ST18: variants seen among roughly 807,000 people sequenced by gnomAD.
ST18 encodes ST18 C2H2C-type zinc finger transcription factor.
In ST18, 50 loss-of-function variants were observed where a neutral mutation model predicts 110.0. The ratio of observed to expected loss-of-function variants is 0.45; its 90% CI spans 0.36 to 0.58. The LOEUF is 0.58. Among genes scored for constraint, ST18 ranks in the 20% least tolerant of loss-of-function variants. The probability of loss-of-function intolerance (pLI) is 0.00; values close to 1 mark genes in which losing one functional copy is unlikely to be tolerated. For missense variants in ST18, 1,306 were observed against 1,280.1 expected, an observed-to-expected ratio of 1.02 and a Z score of -0.31; for synonymous variants, 461 against 452.4, an observed-to-expected ratio of 1.02 and a Z score of -0.24.
intron 13 of ST18, among the ~76,000 whole-genome samples, chr8:52,162,943 G>A (rs1050817244): frequency 2.6e-5 from 4 of 152,116 alleles, no homozygotes; most frequent in African/African-American, 9.7e-5. Flanking sequence ...TGAGCAACTA[G>A]TTGATCTTAT....
chr8:52,196,185 C>G (rs2076133751), intron 8 of ST18, among the ~76,000 whole-genome samples: 1 of 152,182 alleles, frequency 6.6e-6, no homozygotes, highest in Non-Finnish European at 1.5e-5. Flanking sequence ...TTGTCTCTCC[C>G]CTTCTTTTCT....
intron 25 of ST18, 63 bp from the exon 26 acceptor site, chr8:52,113,401 C>T: frequency 6.3e-7 from 1 of 1,579,896 alleles, no homozygotes; most frequent in Non-Finnish European, 8.6e-7. Context: ...AAAGAAGGAC[C>T]CAGTGACATC....
intron 18 of ST18, 149 bp downstream of exon 18, chr8:52,137,272 A>T: frequency 1.3e-6 from 1 of 773,852 alleles, no homozygotes; most frequent in Non-Finnish European, 2.0e-6. Flanking sequence ...TTTATATCAC[A>T]TAATTTTATT....
intron 15 of ST18, chr8:52,154,999 C>T (rs58143223): frequency 0.22 from 32,788 of 151,828 alleles, 3,782 homozygotes; most frequent in African/African-American, 0.29. Context: ...GTCAGGAGAT[C>T]GAGACCAGCC....
intron 8 of ST18, among the ~76,000 whole-genome samples, chr8:52,183,688 G>A (rs2070818711): frequency 6.6e-6 from 1 of 152,152 alleles, no homozygotes; most frequent in Non-Finnish European, 1.5e-5. Flanking sequence ...AGGTAAAGAT[G>A]GAACTGTCTT....
chr8:52,256,506 G>C (rs996823730), intron 2 of ST18, among the ~76,000 whole-genome samples: 6 of 152,164 alleles, frequency 3.9e-5, no homozygotes, highest in Non-Finnish European at 8.8e-5. Context: ...GGGATTACAG[G>C]TGTGAGTCAG....
intron 23 of ST18, among the ~76,000 whole-genome samples, chr8:52,120,441 CA>C (rs2044247522): frequency 6.6e-6 from 1 of 152,248 alleles, no homozygotes; most frequent in African/African-American, 2.4e-5. Context: ...CTGAAGGAAG[CA>C]CAAAGGGTTC....
rs762481226 is a variant in ST18 at position 52,171,812 on chromosome 8, C to T, written c.1049G>A (p.Arg350Lys). 6.2e-7 allele frequency: 1 copy of T among 1,613,286 alleles called. No individual in the cohort carries two copies. Residue 350 changes from arginine to lysine, a missense_variant, in exon 10 of 26, where the codon AGA becomes AAA. Physicochemically the swap from Arg to Lys is conservative, Grantham distance 26. Coordinates refer to ENST00000689386, the MANE Select transcript of ST18 (RefSeq NM_001352837.2). ...CTTACGTTTATTGTTAAAGATTTGT[C>T]TTCCACCCATGTCGATAACTTTGGT... The part of the protein sequence containing the change: ...RQTKVIDMGG[R>K]QIFNNKHSPR...
chr8:52,178,628 A>AC (rs2067913351), intron 9 of ST18, among the ~76,000 whole-genome samples: 1 of 129,658 alleles, frequency 7.7e-6, no homozygotes, highest in African/African-American at 3.5e-5. Context: ...AAAAAAAAAA[A>AC]AAAAAAAAAA....
chr8:52,174,783 C>T (rs768966640), intron 9 of ST18, among the ~76,000 whole-genome samples: 2 of 152,174 alleles, frequency 1.3e-5, no homozygotes, highest in South Asian at 2.1e-4. Flanking sequence ...GCACAGCACA[C>T]GCGGGTTTCT....
intron 2 of ST18, among the ~76,000 whole-genome samples, chr8:52,354,552 G>A (rs1185183475): frequency 2.0e-5 from 3 of 152,202 alleles, no homozygotes; most frequent in Non-Finnish European, 4.4e-5. Flanking sequence ...GGGATACATA[G>A]TGTTTGAATT....
chr8:52,388,693 A>G (rs1426377472), intron 2 of ST18, among the ~76,000 whole-genome samples: 9 of 151,488 alleles, frequency 5.9e-5, no homozygotes, highest in African/African-American at 2.2e-4. Context: ...AGAGAAGTCT[A>G]CTCAGATGGG....
intron 8 of ST18, among the ~76,000 whole-genome samples, chr8:52,191,395 A>G (rs2074417821): frequency 1.3e-5 from 2 of 152,150 alleles, no homozygotes; most frequent in South Asian, 4.2e-4. Context: ...ACCAAGTCAT[A>G]ATGTCAAGCA....
chr8:52,363,476 A>T (rs1176568684), intron 2 of ST18, among the ~76,000 whole-genome samples: 1 of 152,184 alleles, frequency 6.6e-6, no homozygotes, highest in Non-Finnish European at 1.5e-5. Context: ...GGTGTGAATT[A>T]TACACACCAT....
chr8:52,375,259 C>T (rs1388638720), intron 2 of ST18, among the ~76,000 whole-genome samples: 1 of 152,106 alleles, frequency 6.6e-6, no homozygotes, highest in Non-Finnish European at 1.5e-5. Flanking sequence ...ACTCCACTTT[C>T]CCTGCAGCCG....
chr8:52,281,950 C>T (rs551145561), intron 2 of ST18, among the ~76,000 whole-genome samples: 10 of 152,268 alleles, frequency 6.6e-5, no homozygotes, highest in African/African-American at 2.4e-4. Flanking sequence ...ACGTACACTG[C>T]TTAGATGGCG....
chr8:52,357,718 TATATA>T lies in ST18; in HGVS notation c.-465+51605_-465+51609del, dbSNP rs1564568761. ...ATATATATATATATATATATATATA[TATATA>T]TATATATAAAACAGACTCAAAGGGA... On this transcript the variant is annotated intron_variant, in intron 2 of 25. Coordinates refer to ENST00000689386, the MANE Select transcript of ST18 (RefSeq NM_001352837.2). Among the ~76,000 whole-genome samples the T allele has an allele frequency of 4.3e-3, 325 of 74,772 alleles. 7 individuals are homozygous for T. Among genetic ancestry groups the T allele is most frequent in the African/African-American group, 0.032 (304 of 9,558 alleles). The allele number at this position is 74,772 out of a possible 152,430, so 49.1% of individuals were successfully genotyped here.
At chr8:52,298,877 T>C (rs2095673068) in intron 2 of ST18, among the ~76,000 whole-genome samples, 1 of 152,220 alleles carries the variant, frequency 6.6e-6, no homozygotes. Flanking sequence ...TGGCATCCAT[T>C]GTTACTGCTA....
chr8:52,171,263 A>G (rs930453448), intron 10 of ST18, among the ~76,000 whole-genome samples: 1 of 152,168 alleles, frequency 6.6e-6, no homozygotes, highest in Non-Finnish European at 1.5e-5. Flanking sequence ...GCCTCCTCAA[A>G]GCACACCTAC....
Sources: gnomAD v4.1 joint callset for allele counts (sites outside exome capture counted in the v4.1 genomes callset) on GRCh38, gnomAD v4.1.1 for gene constraint, MANE v1.5 for transcripts, NCBI Gene and HGNC (gene_info 2026-07-23, HGNC 2026-07-21) for gene names.